Variants in NHEJ1 observed in about 807,000 individuals in gnomAD.
The protein encoded by NHEJ1 is non-homologous end-joining factor 1.
A neutral mutation model predicts 39.4 loss-of-function variants in NHEJ1; 22 were observed. The observed-to-expected ratio is 0.56, with a 90% CI of 0.40 to 0.80. The LOEUF (loss-of-function observed/expected upper bound fraction) is 0.80, where lower values mean the gene tolerates loss of function less well. NHEJ1 is among the 30% of genes least tolerant of loss of function. The probability of loss-of-function intolerance (pLI) is 0.00; values close to 1 mark genes in which losing one functional copy is unlikely to be tolerated. For synonymous variants in NHEJ1, 154 were observed against 135.6 expected, an observed-to-expected ratio of 1.14 and a Z score of -0.94; for missense variants, 329 against 357.1, an observed-to-expected ratio of 0.92 and a Z score of 0.63.
At chr2:219,082,311 C>A (rs573109630) in intron 5 of NHEJ1, among the ~76,000 whole-genome samples, 1 of 152,206 alleles carries the variant, frequency 6.6e-6, no homozygotes, top group South Asian at 2.1e-4. Flanking sequence ...TTTATTTCCC[C>A]TTCTTGTCCC....
chr2:219,152,789 T>TTATTTATATTTATTTA, intron 3 of NHEJ1, among the ~76,000 whole-genome samples: 1 of 87,784 alleles, frequency 1.1e-5, no homozygotes, highest in East Asian at 2.5e-4. Flanking sequence ...ATTTATTTAT[T>TTATTTATATTTATTTA]TTTATTTATT....
At chr2:219,156,937 C>T (rs903994522) in intron 3 of NHEJ1, among the ~76,000 whole-genome samples, 1 of 151,960 alleles carries the variant, frequency 6.6e-6, no homozygotes, top group Non-Finnish European at 1.5e-5. Flanking sequence ...TTTCTCATGC[C>T]TTCCTATCTA....
intron 3 of NHEJ1, among the ~76,000 whole-genome samples, chr2:219,153,131 T>C (rs1330684495): frequency 6.6e-6 from 1 of 152,164 alleles, no homozygotes; most frequent in Non-Finnish European, 1.5e-5. Context: ...CGAAAAGTTA[T>C]GGAGTTGAAA....
intron 5 of NHEJ1, among the ~76,000 whole-genome samples, chr2:219,084,235 G>A (rs1949092210): frequency 1.3e-5 from 2 of 152,054 alleles, no homozygotes; most frequent in Admixed American, 1.3e-4. Context: ...TCAAACTCCT[G>A]ACCTCAGGTG....
At chr2:219,109,761 T>C (rs1465739138) in intron 5 of NHEJ1, among the ~76,000 whole-genome samples, 2 of 152,302 alleles carry the variant, frequency 1.3e-5, no homozygotes, top group East Asian at 3.9e-4. Flanking sequence ...CCCTCAGGAC[T>C]GCCTGCAATT....
chr2:219,151,606 C>T (rs1213718179), intron 3 of NHEJ1, among the ~76,000 whole-genome samples: 1 of 152,032 alleles, frequency 6.6e-6, no homozygotes, highest in Non-Finnish European at 1.5e-5. Flanking sequence ...AGATGAACAC[C>T]AAAATGATTT....
In NHEJ1 at chr2:219,159,528, TATATATATGC is replaced by T. The variant is rs1367501843; in HGVS notation, c.1-1176_1-1167del. ...TGACATAACTTTATATATATATGCA[TATATATATGC>T]ATATATATATATGCATATATATATG... On this transcript the variant is annotated intron_variant, in intron 1 of 7. Coordinates refer to ENST00000356853, the MANE Select transcript of NHEJ1 (RefSeq NM_024782.3). Among the ~76,000 whole-genome samples the T allele has an allele frequency of 2.5e-4, 23 of 92,246 alleles. 2 individuals carry two copies. The highest frequency in any genetic ancestry group is 6.7e-4 in the African/African-American group (15 of 22,232). The allele number at this position is 92,246 out of a possible 152,430, so 60.5% of individuals were successfully genotyped here.
chr2:219,127,810 T>C (rs1343369195), intron 5 of NHEJ1, among the ~76,000 whole-genome samples: 1 of 152,248 alleles, frequency 6.6e-6, no homozygotes, highest in Non-Finnish European at 1.5e-5. Context: ...GTTTAAGGTT[T>C]AGAATCAATC....
intron 5 of NHEJ1, among the ~76,000 whole-genome samples, chr2:219,131,329 T>G (rs764761977): frequency 6.6e-5 from 10 of 152,192 alleles, no homozygotes; most frequent in South Asian, 2.1e-4. Context: ...TGTTCAGAGT[T>G]TAGAAGACTG....
chr2:219,089,009 C>G (rs1013848720), intron 5 of NHEJ1, among the ~76,000 whole-genome samples: 3 of 151,992 alleles, frequency 2.0e-5, no homozygotes, highest in African/African-American at 7.2e-5. Flanking sequence ...TTAGTAGAGA[C>G]GGGGTTTCAC....
chr2:219,082,125 C>T (rs1262454853), intron 5 of NHEJ1, among the ~76,000 whole-genome samples: 1 of 152,184 alleles, frequency 6.6e-6, no homozygotes, highest in Non-Finnish European at 1.5e-5. Flanking sequence ...CTCTCTGTTA[C>T]ATTTACCTAA....
In NHEJ1 at chr2:219,070,673, CTT is replaced by C. The variant is rs370675428; in HGVS notation, c.*5706_*5707del. Among the ~76,000 whole-genome samples, 5 of 152,120 alleles carry C rather than the reference CTT, an allele frequency of 3.3e-5. No individual in the cohort carries two copies. The highest frequency in any genetic ancestry group is 1.2e-4 in the African/African-American group (5 of 41,514). ...CTTTAGCACAATCCAGACACTCAATCTTTTCTTTCTTTTTTTTTTTTAATTCA... is the reference window on the plus strand; with the variant it reads ...CTTTAGCACAATCCAGACACTCAATCTTCTTTCTTTTTTTTTTTTAATTCA... On this transcript the variant is annotated 3_prime_UTR_variant, in exon 8 of 8. Transcript: ENST00000356853.
chr2:219,075,802 T>C lies in NHEJ1; in HGVS notation c.*579A>G, dbSNP rs1010356068. The C allele has an allele frequency of 4.6e-5, 7 of 153,808 alleles. No homozygotes were observed. The highest frequency in any genetic ancestry group is 1.4e-4 in the African/African-American group (6 of 41,474). 9.5% of individuals were successfully genotyped at this position (153,808 alleles called of 1,614,324 possible). ...CCCACCATCAAGAGAGTTCTTGAGATCAAAGTTTCCAAATGGAGACTTAGC... is the reference window on the plus strand; with the variant it reads ...CCCACCATCAAGAGAGTTCTTGAGACCAAAGTTTCCAAATGGAGACTTAGC... On this transcript the variant is annotated 3_prime_UTR_variant, in exon 8 of 8. Coordinates refer to ENST00000356853, the MANE Select transcript of NHEJ1 (RefSeq NM_024782.3).
chr2:219,096,202 C>T (rs1949206449), intron 5 of NHEJ1, among the ~76,000 whole-genome samples: 1 of 152,048 alleles, frequency 6.6e-6, no homozygotes, highest in South Asian at 2.1e-4. Context: ...TAGAACTTTG[C>T]AAGACTAATC....
chr2:219,089,070 C>T (rs1949137540), intron 5 of NHEJ1, among the ~76,000 whole-genome samples: 1 of 152,230 alleles, frequency 6.6e-6, no homozygotes, highest in African/African-American at 2.4e-5. Flanking sequence ...CCGCCCGCCT[C>T]AGCCTCCCAA....
At chr2:219,091,852 A>C (rs182898526) in intron 5 of NHEJ1, among the ~76,000 whole-genome samples, 1 of 144,102 alleles carries the variant, frequency 6.9e-6, no homozygotes, top group East Asian at 2.0e-4. Context: ...GTGTGTATAT[A>C]AAATTAATGA....
chr2:219,090,042 T>C (rs138540015), intron 5 of NHEJ1, among the ~76,000 whole-genome samples: 7 of 152,324 alleles, frequency 4.6e-5, no homozygotes, highest in African/African-American at 1.4e-4. Flanking sequence ...ATCTTGATCT[T>C]GGCCAAGTGA....
At position 219,076,340 on chromosome 2, in the gene NHEJ1, T is replaced by C. The variant is rs548323089; in HGVS notation, c.*41A>G. ...TTCTTTCAAGGTGAAGCTTGGAAGCTGTTCTCCAAGTCCATCCTCAGCAGC... is the reference window on the plus strand; with the variant it reads ...TTCTTTCAAGGTGAAGCTTGGAAGCCGTTCTCCAAGTCCATCCTCAGCAGC... On this transcript the variant is annotated 3_prime_UTR_variant, in exon 8 of 8. Coordinates refer to ENST00000356853, the MANE Select transcript of NHEJ1 (RefSeq NM_024782.3). 4.2e-5 allele frequency: 67 copies of C among 1,614,130 alleles called. No homozygotes were observed. In the African/African-American group the frequency reaches 5.5e-4, roughly 13 times the overall value.
In NHEJ1 at chr2:219,076,287, AT is replaced by A. The variant is rs1228633780; in HGVS notation, c.*93del. On this transcript the variant is annotated 3_prime_UTR_variant, in exon 8 of 8. Transcript: ENST00000356853. ...ACAGGAGGCCTCTGACTGTATCACT[AT>A]TTTAGAAATATTGCTGCCATGTAAG... 1 of 1,609,568 alleles carries A rather than the reference AT, an allele frequency of 6.2e-7. No homozygotes were observed. Among genetic ancestry groups the A allele is most frequent in the Non-Finnish European group, 8.5e-7 (1 of 1,177,846 alleles).
Sources: allele counts gnomAD v4.1 joint callset (sites outside exome capture counted in the v4.1 genomes callset), GRCh38; gene constraint gnomAD v4.1.1; transcripts MANE v1.5; gene names NCBI Gene and HGNC (gene_info 2026-07-23, HGNC 2026-07-21).